INIP: variants seen among roughly 807,000 people sequenced by gnomAD.
INIP encodes SOSS complex subunit C.
Under a neutral mutation model 14.0 loss-of-function variants are expected in INIP, and 9 were observed. The ratio of observed to expected loss-of-function variants is 0.64; its 90% CI spans 0.39 to 1.12. The LOEUF is 1.12. Ranked by LOEUF, INIP falls within the 50% of genes most tolerant of loss-of-function variation. The pLI, the probability that INIP is intolerant of heterozygous loss-of-function variation, is 0.01. For synonymous variants in INIP, 37 were observed against 41.5 expected, an observed-to-expected ratio of 0.89 and a Z score of 0.41; for missense variants, 78 against 122.7, an observed-to-expected ratio of 0.64 and a Z score of 1.72.
At chr9:112,706,415 AT>A (rs1175688173) in intron 2 of INIP, among the ~76,000 whole-genome samples, 7 of 150,432 alleles carry the variant, frequency 4.7e-5, no homozygotes, top group East Asian at 3.9e-4. Context: ...CACCTGGCTA[AT>A]TTTTTTTTTC....
chr9:112,687,226 C>T lies in INIP; in HGVS notation c.*312G>A, dbSNP rs1837706069. 4.7e-6 allele frequency: 1 copy of T among 212,798 alleles called. No homozygotes were observed. Among genetic ancestry groups the T allele is most frequent in the Non-Finnish European group, 9.4e-6 (1 of 106,594 alleles). The allele number at this position is 212,798 out of a possible 1,614,324, so 13.2% of individuals were successfully genotyped here. A position where few individuals can be genotyped will look rare whatever the true frequency, so the allele number is the denominator to read the frequency against. On this transcript the variant is annotated 3_prime_UTR_variant, in exon 5 of 5. Coordinates refer to ENST00000374242, the MANE Select transcript of INIP (RefSeq NM_021218.3). The stretch of plus-strand genomic sequence containing the variant: ...AAATCTACTGTGGACATGATATATT[C>T]AGTCAAACTTGCTAGGAGTTGGGGA...
intron 2 of INIP, among the ~76,000 whole-genome samples, chr9:112,695,731 AGAGGAAGAAGAG>A (rs1838057144): frequency 7.0e-6 from 1 of 143,008 alleles, no homozygotes; most frequent in East Asian, 2.3e-4. Flanking sequence ...AAAAAGAAGA[AGAGGAAGAAGAG>A]GAGGAAGAGG....
At position 112,689,679 on chromosome 9, in the gene INIP, A is replaced by G. The variant is rs1022226218; in HGVS notation, c.129-62T>C. On this transcript the variant is annotated intron_variant, in intron 3 of 4. Transcript: ENST00000374242. ...CAGAAACATCCTTACTTTTTTTTGG[A>G]TGGTAGTAAATTATCTTCTTTTTTT... 10 of 1,243,652 alleles carry G rather than the reference A, an allele frequency of 8.0e-6. No individual in the cohort carries two copies. In the African/African-American group the frequency reaches 1.5e-4, roughly 19 times the overall value. 77.0% of individuals were successfully genotyped at this position (1,243,652 alleles called of 1,614,324 possible).
At chr9:112,691,375 T>C (rs1244906906) in intron 3 of INIP, among the ~76,000 whole-genome samples, 1 of 152,154 alleles carries the variant, frequency 6.6e-6, no homozygotes, top group African/African-American at 2.4e-5. Context: ...CAGTAGCTGA[T>C]TGGAGAGCGG....
chr9:112,699,310 CT>C (rs1325615314), intron 2 of INIP, among the ~76,000 whole-genome samples: 1 of 150,586 alleles, frequency 6.6e-6, no homozygotes, highest in African/African-American at 2.4e-5. Context: ...GACCCTGTCT[CT>C]AAAAAAAAAA....
In INIP at chr9:112,686,331, G is replaced by C. The variant is rs1837664477; in HGVS notation, c.*1207C>G. The C allele has an allele frequency of 6.6e-6, 1 of 152,050 alleles. No individual in the cohort carries two copies. Among genetic ancestry groups the C allele is most frequent in the Non-Finnish European group, 1.5e-5 (1 of 68,016 alleles). 9.4% of individuals were successfully genotyped at this position (152,050 alleles called of 1,614,324 possible). A position where few individuals can be genotyped will look rare whatever the true frequency, so the allele number is the denominator to read the frequency against. On this transcript the variant is annotated 3_prime_UTR_variant, in exon 5 of 5. Coordinates refer to ENST00000374242, the MANE Select transcript of INIP (RefSeq NM_021218.3). Reference sequence around the variant, plus strand: ...AGAATTCTCTATCTCATGGTTTTCAGACTTTATTTTGAATCAGATTCTAAT... The same window carrying C: ...AGAATTCTCTATCTCATGGTTTTCACACTTTATTTTGAATCAGATTCTAAT...
chr9:112,696,067 T>C (rs967759816), intron 2 of INIP, among the ~76,000 whole-genome samples: 1 of 151,838 alleles, frequency 6.6e-6, no homozygotes, highest in African/African-American at 2.4e-5. Flanking sequence ...TTTGTATTTT[T>C]TTTTTGTAGA....
At chr9:112,697,427 A>T (rs1168050399) in intron 2 of INIP, among the ~76,000 whole-genome samples, 2 of 152,182 alleles carry the variant, frequency 1.3e-5, no homozygotes, top group African/African-American at 4.8e-5. Context: ...GTCTACAAAA[A>T]ATTGAAATTA....
At chr9:112,706,538 G>A (rs905265848) in intron 2 of INIP, among the ~76,000 whole-genome samples, 14 of 151,806 alleles carry the variant, frequency 9.2e-5, no homozygotes, top group African/African-American at 3.4e-4. Context: ...ACAGGCATGA[G>A]CCACCACACC....
intron 3 of INIP, among the ~76,000 whole-genome samples, chr9:112,690,717 A>T (rs1035341343): frequency 6.6e-6 from 1 of 152,256 alleles, no homozygotes; most frequent in Admixed American, 6.5e-5. Context: ...GGCAAGAGAA[A>T]GGTACATAAT....
At chr9:112,706,570 A>T (rs932292965) in intron 2 of INIP, among the ~76,000 whole-genome samples, 1 of 151,922 alleles carries the variant, frequency 6.6e-6, no homozygotes, top group African/African-American at 2.4e-5. Flanking sequence ...TTTCTATGGT[A>T]AGATTCTCTT....
chr9:112,690,313 A>G (rs1433425544), intron 3 of INIP, among the ~76,000 whole-genome samples: 5 of 152,064 alleles, frequency 3.3e-5, no homozygotes, highest in African/African-American at 9.7e-5. Flanking sequence ...CAATACAGTG[A>G]GACCCCATCT....
chr9:112,708,458 T>C (rs1229891179), intron 2 of INIP, among the ~76,000 whole-genome samples: 2 of 152,134 alleles, frequency 1.3e-5, no homozygotes, highest in African/African-American at 4.8e-5. Flanking sequence ...AATAGCTATT[T>C]AGGAAGTTAA....
At position 112,686,886 on chromosome 9, in the gene INIP, T is replaced by C. The variant is rs1837692052; in HGVS notation, c.*652A>G. Reference sequence around the variant, plus strand: ...AACACTAAATAAGAGGATGTACAAATTAAAAACCTACCACATTCCCTATTA... The same window carrying C: ...AACACTAAATAAGAGGATGTACAAACTAAAAACCTACCACATTCCCTATTA... On this transcript the variant is annotated 3_prime_UTR_variant, in exon 5 of 5. Coordinates refer to ENST00000374242, the MANE Select transcript of INIP (RefSeq NM_021218.3). The C allele has an allele frequency of 6.6e-6, 1 of 152,204 alleles. No homozygotes were observed. The highest frequency in any genetic ancestry group is 2.4e-5 in the African/African-American group (1 of 41,454). The allele number at this position is 152,204 out of a possible 1,614,324, so 9.4% of individuals were successfully genotyped here. A position where few individuals can be genotyped will look rare whatever the true frequency, so the allele number is the denominator to read the frequency against.
chr9:112,716,761 A>G (rs1245883151), intron 1 of INIP, among the ~76,000 whole-genome samples: 1 of 151,940 alleles, frequency 6.6e-6, no homozygotes, highest in East Asian at 1.9e-4. Context: ...CCTGGCTAAC[A>G]TGGTGAAACC....
chr9:112,700,539 T>A (rs1033937578), intron 2 of INIP, among the ~76,000 whole-genome samples: 4 of 104,404 alleles, frequency 3.8e-5, no homozygotes, highest in Non-Finnish European at 5.5e-5. Flanking sequence ...ATATATATAT[T>A]ATATATACCT....
intron 2 of INIP, among the ~76,000 whole-genome samples, chr9:112,695,870 G>A (rs953174961): frequency 2.8e-4 from 43 of 150,926 alleles, no homozygotes; most frequent in Non-Finnish European, 2.1e-4. Flanking sequence ...AGAAGGAGAA[G>A]AAGAAGGAGA....
intron 2 of INIP, among the ~76,000 whole-genome samples, chr9:112,705,626 A>T (rs567441112): frequency 4.6e-5 from 7 of 152,266 alleles, no homozygotes; most frequent in South Asian, 4.1e-4. Flanking sequence ...GTTTAAAAAA[A>T]TTTTATTTTA....
intron 2 of INIP, chr9:112,701,881 C>G (rs969147084): frequency 7.4e-5 from 11 of 148,732 alleles, no homozygotes; most frequent in Admixed American, 6.1e-4. Flanking sequence ...GAGACCTTGT[C>G]TGTACAAAAA....
Sources: allele counts gnomAD v4.1 joint callset (sites outside exome capture counted in the v4.1 genomes callset), GRCh38; gene constraint gnomAD v4.1.1; transcripts MANE v1.5; gene names NCBI Gene and HGNC (gene_info 2026-07-23, HGNC 2026-07-21).